CEP128: variants seen among roughly 807,000 people sequenced by gnomAD.
CEP128 encodes centrosomal protein 128kDa.
Under a neutral mutation model 156.7 loss-of-function variants are expected in CEP128, and 132 were observed. The observed-to-expected ratio is 0.84, with a 90% CI of 0.73 to 0.97. The LOEUF (loss-of-function observed/expected upper bound fraction) is 0.97. Among genes scored for constraint, CEP128 ranks in the 50% least tolerant of loss-of-function variants. CEP128 has a pLI of 0.00. For synonymous variants in CEP128, 469 were observed against 448.9 expected, an observed-to-expected ratio of 1.04 and a Z score of -0.57; for missense variants, 1,252 against 1,281.9, an observed-to-expected ratio of 0.98 and a Z score of 0.36.
chr14:80,771,607 A>G (rs919481946), intron 16 of CEP128, among the ~76,000 whole-genome samples: 1 of 152,152 alleles, frequency 6.6e-6, no homozygotes, highest in African/African-American at 2.4e-5. Flanking sequence ...ATGCATCCTG[A>G]TCTATTCAAC....
chr14:80,529,901 G>A (rs961119688), intron 22 of CEP128, among the ~76,000 whole-genome samples: 1 of 152,154 alleles, frequency 6.6e-6, no homozygotes, highest in African/African-American at 2.4e-5. Context: ...TTAATGCAAG[G>A]TAATTTTAAG....
intron 19 of CEP128, among the ~76,000 whole-genome samples, chr14:80,717,745 G>A (rs1436106967): frequency 6.6e-6 from 1 of 152,124 alleles, no homozygotes; most frequent in African/African-American, 2.4e-5. Context: ...AGATCAAATA[G>A]ATCATTGATC....
At position 80,749,408 on chromosome 14, in the gene CEP128, A is replaced by C. The variant is rs192302517; in HGVS notation, c.2614-6141T>G. The stretch of plus-strand genomic sequence containing the variant: ...TCCATCGACAGACAAATGGATAAAG[A>C]AAATGTGGTGCATATACACAGTGGA... On this transcript the variant is annotated intron_variant, in intron 18 of 24. Transcript: ENST00000555265. Among the ~76,000 whole-genome samples, 14 of 152,338 alleles carry C rather than the reference A, an allele frequency of 9.2e-5. No homozygotes were observed. In the East Asian group the frequency reaches 2.7e-3, roughly 29 times the overall value.
intron 20 of CEP128, among the ~76,000 whole-genome samples, chr14:80,576,178 G>A (rs368769969): frequency 4.6e-5 from 7 of 152,228 alleles, no homozygotes; most frequent in South Asian, 4.1e-4. Flanking sequence ...TAGCCATCAC[G>A]AGCAAGGTGT....
intron 19 of CEP128, among the ~76,000 whole-genome samples, chr14:80,684,489 G>C (rs1212028357): frequency 3.9e-5 from 6 of 152,032 alleles, no homozygotes; most frequent in Non-Finnish European, 2.9e-5. Context: ...GGACCAGATG[G>C]ATTCACAGGC....
At chr14:80,583,758 ATTC>A (rs1169578148) in intron 19 of CEP128, among the ~76,000 whole-genome samples, 3 of 152,198 alleles carry the variant, frequency 2.0e-5, no homozygotes, top group African/African-American at 7.2e-5. Flanking sequence ...TTCTTCCTCT[ATTC>A]TTTTTCTTAA....
chr14:80,921,276 G>T (rs554480072), intron 2 of CEP128, among the ~76,000 whole-genome samples: 6 of 152,116 alleles, frequency 3.9e-5, no homozygotes, highest in Non-Finnish European at 8.8e-5. Context: ...GGTCATGAAG[G>T]CTCCTCCCTT....
intron 19 of CEP128, among the ~76,000 whole-genome samples, chr14:80,685,000 G>C (rs545206273): frequency 3.9e-4 from 60 of 152,212 alleles, no homozygotes; most frequent in African/African-American, 1.3e-3. Flanking sequence ...CGTGCAGAAT[G>C]GGCAAAAATT....
At chr14:80,489,357 G>T (rs567433540), downstream of CEP128, among the ~76,000 whole-genome samples, 2 of 149,558 alleles carry the variant, frequency 1.3e-5, no homozygotes, top group African/African-American at 4.9e-5. Context: ...ATTGCATTAC[G>T]AAAAGGATAA....
chr14:80,665,961 T>C (rs1167612814), intron 19 of CEP128, among the ~76,000 whole-genome samples: 1 of 151,508 alleles, frequency 6.6e-6, no homozygotes. Context: ...AAGGGAGGAG[T>C]AAACACTATC....
chr14:80,954,315 C>G (rs1286632014), intron 2 of CEP128, among the ~76,000 whole-genome samples: 1 of 151,932 alleles, frequency 6.6e-6, no homozygotes, highest in Non-Finnish European at 1.5e-5. Flanking sequence ...GTTGTATCAG[C>G]AGTTCATTCA....
chr14:80,634,774 C>T (rs189544829), intron 19 of CEP128, among the ~76,000 whole-genome samples: 24 of 152,278 alleles, frequency 1.6e-4, no homozygotes, highest in Non-Finnish European at 2.5e-4. Flanking sequence ...TTCAGCTTAC[C>T]TCCCGATGCC....
rs1161538737 is a variant in CEP128 at position 80,767,378 on chromosome 14, C to T, written c.2377-5765G>A. On this transcript the variant is annotated intron_variant, in intron 16 of 24. Coordinates refer to ENST00000555265, the MANE Select transcript of CEP128 (RefSeq NM_152446.5). Reference sequence around the variant, plus strand: ...CTTATTTCTCAAAACTAGATTTTTACGTAATGGAGAGCTCCTTAAACTCAA... The same window carrying T: ...CTTATTTCTCAAAACTAGATTTTTATGTAATGGAGAGCTCCTTAAACTCAA... Among the ~76,000 whole-genome samples the T allele has an allele frequency of 5.9e-5, 9 of 151,722 alleles. No homozygotes were observed. The East Asian group carries it at 7.8e-4, about 13-fold the overall frequency.
intron 19 of CEP128, among the ~76,000 whole-genome samples, chr14:80,589,826 T>G (rs917882041): frequency 1.3e-5 from 2 of 152,134 alleles, no homozygotes; most frequent in African/African-American, 4.8e-5. Flanking sequence ...TAAGTATTTT[T>G]AAAATAATGA....
At chr14:80,792,704 T>G in intron 14 of CEP128, 56 bp downstream of exon 14, 8 of 1,406,984 alleles carry the variant, frequency 5.7e-6, no homozygotes, top group Non-Finnish European at 8.0e-6. Flanking sequence ...AAAGGATAGA[T>G]GAATGAATGG....
intron 20 of CEP128, among the ~76,000 whole-genome samples, chr14:80,571,686 CTTTAA>C (rs1169225093): frequency 6.6e-6 from 1 of 151,644 alleles, no homozygotes; most frequent in Non-Finnish European, 1.5e-5. Flanking sequence ...CTAATGTTGC[CTTTAA>C]TTTTTTTGCC....
At chr14:80,486,599 A>T (rs993035325), downstream of CEP128, among the ~76,000 whole-genome samples, 1 of 152,188 alleles carries the variant, frequency 6.6e-6, no homozygotes, top group Non-Finnish European at 1.5e-5. Flanking sequence ...GAAGGAAAAA[A>T]TGTTAAGGGC....
At chr14:80,499,384 T>C (rs1887636404) in intron 24 of CEP128, among the ~76,000 whole-genome samples, 1 of 152,228 alleles carries the variant, frequency 6.6e-6, no homozygotes. Context: ...TTTATAGCAA[T>C]GTAAACTGAG....
intron 7 of CEP128, 108 bp from the exon 8 acceptor site, chr14:80,895,898 A>G: frequency 1.2e-6 from 1 of 808,100 alleles, no homozygotes; most frequent in Non-Finnish European, 1.8e-6. Context: ...ATTCTACTTT[A>G]GTGATTCTCA....
Sources: gnomAD v4.1 joint callset for allele counts (sites outside exome capture counted in the v4.1 genomes callset) on GRCh38, gnomAD v4.1.1 for gene constraint, MANE v1.5 for transcripts, NCBI Gene and HGNC (gene_info 2026-07-23, HGNC 2026-07-21) for gene names.